Variants in NPAS2 observed in about 807,000 individuals in gnomAD.
NPAS2 encodes the protein neuronal PAS domain protein 2.
A neutral mutation model predicts 107.5 loss-of-function variants in NPAS2; 23 were observed. The observed-to-expected ratio is 0.21, with a 90% CI of 0.15 to 0.30. The LOEUF (loss-of-function observed/expected upper bound fraction) is 0.30, where lower values mean the gene tolerates loss of function less well. NPAS2 is among the 10% of genes least tolerant of loss of function. NPAS2 has a pLI of 1.00. For missense variants in NPAS2, 756 were observed against 1,043.3 expected, an observed-to-expected ratio of 0.72 and a Z score of 3.79; for synonymous variants, 403 against 417.5, an observed-to-expected ratio of 0.97 and a Z score of 0.42.
Position 100,937,756 on chromosome 2 carries a change from T to A in NPAS2, c.277T>A (p.Leu93Ile). The change falls in exon 5 of 21, where the codon TTA becomes ATA. Residue 93 changes from leucine (L) to isoleucine (I), a missense_variant. Leu to Ile is a conservative substitution (Grantham distance 5, BLOSUM62 2). Transcript: ENST00000335681. ...TCAAATGTTGCATTTTCCACAGGCA[T>A]TAGATGGCTTCATTATCGCAGTGAC... is the stretch of plus-strand genomic sequence containing the variant. ...EEFTQLMLEALDGFIIAVTTD... is the reference protein window; with the variant it reads ...EEFTQLMLEAIDGFIIAVTTD... 6.2e-7 allele frequency: 1 copy of A among 1,613,536 alleles called. No individual in the cohort carries two copies. The highest frequency in any genetic ancestry group is 8.5e-7 in the Non-Finnish European group (1 of 1,179,406).
At chr2:100,952,999 T>A (rs963322605) in intron 7 of NPAS2, among the ~76,000 whole-genome samples, 5 of 152,186 alleles carry the variant, frequency 3.3e-5, no homozygotes, top group African/African-American at 1.2e-4. Context: ...GAGTTCCCCA[T>A]GTAACTGTGG....
chr2:100,972,426 G>A (rs775604703), intron 12 of NPAS2, among the ~76,000 whole-genome samples: 1 of 152,208 alleles, frequency 6.6e-6, no homozygotes, highest in Non-Finnish European at 1.5e-5. Flanking sequence ...CAGTGACTGC[G>A]AATCCAGAGC....
chr2:100,929,665 A>G (rs1423414159), intron 3 of NPAS2, among the ~76,000 whole-genome samples: 1 of 152,118 alleles, frequency 6.6e-6, no homozygotes, highest in African/African-American at 2.4e-5. Flanking sequence ...TATTTACACC[A>G]CAGAAAGGGG....
chr2:100,951,818 C>T (rs56154489), intron 7 of NPAS2, among the ~76,000 whole-genome samples: 14,919 of 151,996 alleles, frequency 0.098, 1,361 homozygotes, highest in East Asian at 0.39. Context: ...AAAACGGTTA[C>T]GATGGCAAAC....
chr2:100,927,708 T>C (rs985382332), intron 3 of NPAS2, among the ~76,000 whole-genome samples: 1 of 152,220 alleles, frequency 6.6e-6, no homozygotes, highest in Non-Finnish European at 1.5e-5. Flanking sequence ...CACGATCACC[T>C]GCATATGCCA....
intron 16 of NPAS2, 198 bp from the exon 17 acceptor site, chr2:100,987,881 G>GC (rs1235002052): frequency 1.5e-6 from 1 of 651,210 alleles, no homozygotes; most frequent in Non-Finnish European, 2.8e-6. Flanking sequence ...TGTCTCTCCA[G>GC]CCCATGGCTC....
chr2:100,912,358 C>G (rs1175867640), intron 2 of NPAS2, among the ~76,000 whole-genome samples: 1 of 152,044 alleles, frequency 6.6e-6, no homozygotes, highest in African/African-American at 2.4e-5. Context: ...CTAGTGACCC[C>G]AGGTAAGATA....
At chr2:100,870,059 C>T (rs1679485410) in intron 1 of NPAS2, among the ~76,000 whole-genome samples, 2 of 152,040 alleles carry the variant, frequency 1.3e-5, no homozygotes, top group Non-Finnish European at 2.9e-5. Context: ...TGTCTGCGAC[C>T]ACGCCAGGCT....
At position 100,968,226 on chromosome 2, in the gene NPAS2, A is replaced by C; in HGVS notation, c.908-55A>C. 3.2e-6 allele frequency: 5 copies of C among 1,564,340 alleles called. No individual in the cohort carries two copies. Among genetic ancestry groups the C allele is most frequent in the Non-Finnish European group, 4.4e-6 (5 of 1,138,958 alleles). On this transcript the variant is annotated intron_variant, in intron 10 of 20. Coordinates refer to ENST00000335681, the MANE Select transcript of NPAS2 (RefSeq NM_002518.4). The surrounding 1 kb of genome is among the most constrained non-coding windows in gnomAD (Gnocchi z 5.3). ...TATCTTTACAATAACTCTTGGGGAA[A>C]AGATCATTTTCATATTAACATTGGT...
rs573834383 is a variant in NPAS2 at position 100,860,647 on chromosome 2, T to C, written c.-23+40233T>C. ...GCTTTCCTTCTCCTCCATCCATTCA[T>C]TCTTTGTTTATTCTCTATATCAGTA... On this transcript the variant is annotated intron_variant, in intron 1 of 20. Transcript: ENST00000335681. Among the ~76,000 whole-genome samples, 3 of 152,322 alleles carry C rather than the reference T, an allele frequency of 2.0e-5. No homozygotes were observed. The Middle Eastern group carries it at 0.01, about 518-fold the overall frequency.
chr2:100,838,956 AGC>A (rs1677231211), intron 1 of NPAS2, among the ~76,000 whole-genome samples: 1 of 152,100 alleles, frequency 6.6e-6, no homozygotes, highest in Non-Finnish European at 1.5e-5. Context: ...ACTTATATGC[AGC>A]TTTACTTTCA....
intron 2 of NPAS2, among the ~76,000 whole-genome samples, chr2:100,914,309 C>T (rs553770999): frequency 2.6e-5 from 4 of 152,244 alleles, no homozygotes; most frequent in East Asian, 3.9e-4. Context: ...TGCTAGGACT[C>T]GCTTGGATCC....
At chr2:100,848,558 C>T (rs926165457) in intron 1 of NPAS2, among the ~76,000 whole-genome samples, 1 of 152,134 alleles carries the variant, frequency 6.6e-6, no homozygotes, top group Non-Finnish European at 1.5e-5. Flanking sequence ...GCATCTAGAG[C>T]ACACATTATT....
intron 16 of NPAS2, chr2:100,984,609 C>T (rs1677669927): frequency 6.6e-6 from 1 of 151,302 alleles, no homozygotes; most frequent in Admixed American, 6.6e-5. Context: ...TCTCTGATAA[C>T]TTTTCCCACT....
intron 1 of NPAS2, among the ~76,000 whole-genome samples, chr2:100,869,346 T>C (rs1679430683): frequency 6.6e-6 from 1 of 152,236 alleles, no homozygotes. Context: ...GTGACCTTTT[T>C]CCTTGTACAT....
chr2:100,873,372 A>G (rs1679749344), intron 1 of NPAS2, among the ~76,000 whole-genome samples: 1 of 145,776 alleles, frequency 6.9e-6, no homozygotes, highest in Non-Finnish European at 1.5e-5. Flanking sequence ...GTGTATATAT[A>G]TATATTTTTT....
At chr2:100,898,680 G>C (rs181301047) in intron 1 of NPAS2, among the ~76,000 whole-genome samples, 2 of 151,928 alleles carry the variant, frequency 1.3e-5, no homozygotes, top group African/African-American at 4.8e-5. Flanking sequence ...ATCTGATACA[G>C]GTTCACTCAT....
intron 7 of NPAS2, among the ~76,000 whole-genome samples, chr2:100,954,664 C>CAAAAAAAAAAAAAAAA (rs1194534141): frequency 2.5e-5 from 2 of 81,354 alleles, no homozygotes; most frequent in African/African-American, 5.2e-5. Flanking sequence ...AACTGTGTCT[C>CAAAAAAAAAAAAAAAA]AAAAAAAAAA....
At chr2:100,850,745 G>GAGAT in intron 1 of NPAS2, among the ~76,000 whole-genome samples, 3 of 151,954 alleles carry the variant, frequency 2.0e-5, no homozygotes, top group Non-Finnish European at 2.9e-5. Flanking sequence ...TTGAGATCAG[G>GAGAT]CATTCGAGGC....
Sources: gnomAD v4.1 joint callset for allele counts (sites outside exome capture counted in the v4.1 genomes callset) on GRCh38, gnomAD v4.1.1 for gene constraint, Gnocchi (gnomAD v3.1) non-coding constraint, MANE v1.5 for transcripts, NCBI Gene and HGNC (gene_info 2026-07-23, HGNC 2026-07-21) for gene names.